LUC7L2: variants seen among roughly 807,000 people sequenced by gnomAD.
LUC7L2 encodes the protein LUC7 like 2, pre-mRNA splicing factor, also known as putative RNA-binding protein Luc7-like 2.
In LUC7L2, 25 loss-of-function variants were observed where a neutral mutation model predicts 52.8. The observed-to-expected ratio is 0.47, with a 90% CI of 0.34 to 0.66. The LOEUF is 0.66. Ranked by LOEUF, LUC7L2 falls within the 30% of genes least tolerant of loss-of-function variation. The pLI, the probability that LUC7L2 is intolerant of heterozygous loss-of-function variation, is 0.01. For missense variants in LUC7L2, 328 were observed against 497.8 expected (o/e 0.66, Z 3.25); for synonymous variants, 144 against 160.9 (o/e 0.89, Z 0.80).
intron 1 of LUC7L2, among the ~76,000 whole-genome samples, chr7:139,352,754 T>G (rs1442987720): frequency 6.6e-6 from 1 of 152,208 alleles, no homozygotes; most frequent in Non-Finnish European, 1.5e-5. Context: ...AAGAACAAGA[T>G]GTTCACATAC....
At chr7:139,378,123 A>G (rs548591564) in intron 2 of LUC7L2, among the ~76,000 whole-genome samples, 3 of 151,898 alleles carry the variant, frequency 2.0e-5, no homozygotes, top group Non-Finnish European at 2.9e-5. Flanking sequence ...TGGCCATAAT[A>G]AACTCCTTTA....
chr7:139,380,241 G>A (rs994352985), intron 2 of LUC7L2, among the ~76,000 whole-genome samples: 1 of 152,002 alleles, frequency 6.6e-6, no homozygotes, highest in Non-Finnish European at 1.5e-5. Context: ...ATAATTATAC[G>A]TTTAATGATT....
At chr7:139,354,603 C>T (rs954161571) in intron 1 of LUC7L2, among the ~76,000 whole-genome samples, 1 of 152,088 alleles carries the variant, frequency 6.6e-6, no homozygotes, top group Non-Finnish European at 1.5e-5. Context: ...CTCAAGTTAT[C>T]CACTGGCCTT....
At chr7:139,345,352 A>C (rs1295103178) in intron 1 of LUC7L2, 1 of 1,257,282 alleles carries the variant, frequency 8.0e-7, no homozygotes, top group South Asian at 1.6e-5. Context: ...GCCTCTATAG[A>C]TGTATTAAGT....
intron 9 of LUC7L2, 110 bp downstream of exon 9, chr7:139,417,839 G>A: frequency 7.1e-7 from 1 of 1,400,090 alleles, no homozygotes; most frequent in Non-Finnish European, 9.5e-7. Flanking sequence ...TGAAACTTTT[G>A]CATCTGGTAA....
At chr7:139,421,425 A>ATTGAT (rs1191722874) in intron 9 of LUC7L2, among the ~76,000 whole-genome samples, 1 of 152,162 alleles carries the variant, frequency 6.6e-6, no homozygotes, top group African/African-American at 2.4e-5. Context: ...TGGTTTTCCG[A>ATTGAT]TTGATTTATT....
upstream of LUC7L2, among the ~76,000 whole-genome samples, chr7:139,358,469 T>C (rs1799689747): frequency 7.6e-6 from 1 of 131,026 alleles, no homozygotes; most frequent in Non-Finnish European, 1.5e-5. Flanking sequence ...TTCTTAAACA[T>C]TTGATTTTAT....
intron 2 of LUC7L2, among the ~76,000 whole-genome samples, chr7:139,382,654 A>C (rs992634719): frequency 6.6e-6 from 1 of 152,170 alleles, no homozygotes; most frequent in African/African-American, 2.4e-5. Flanking sequence ...AGGCCTCTCA[A>C]AGTGCTGGGA....
At chr7:139,374,457 C>T (rs780490989) in intron 1 of LUC7L2, 8 of 1,550,794 alleles carry the variant, frequency 5.2e-6, no homozygotes, top group South Asian at 2.4e-5. Context: ...AGAAAGGCCC[C>T]GCATTCGCCA....
chr7:139,389,262 ATTC>A (rs1794327517), intron 2 of LUC7L2, among the ~76,000 whole-genome samples: 1 of 151,970 alleles, frequency 6.6e-6, no homozygotes, highest in African/African-American at 2.4e-5. Context: ...GTAGTCAAGC[ATTC>A]TTCTTTGCCT....
intron 9 of LUC7L2, among the ~76,000 whole-genome samples, chr7:139,418,090 G>C (rs1446523269): frequency 6.6e-6 from 1 of 152,188 alleles, no homozygotes; most frequent in Admixed American, 6.5e-5. Context: ...TACAAGAGTT[G>C]TTTAGCTTTG....
chr7:139,413,467 G>A (rs779826097), intron 8 of LUC7L2, among the ~76,000 whole-genome samples: 2 of 152,142 alleles, frequency 1.3e-5, no homozygotes, highest in Non-Finnish European at 2.9e-5. Flanking sequence ...AAAAAGTAGA[G>A]AATTTGTTGT....
At chr7:139,386,294 G>A (rs1794188443) in intron 2 of LUC7L2, among the ~76,000 whole-genome samples, 1 of 151,946 alleles carries the variant, frequency 6.6e-6, no homozygotes, top group East Asian at 1.9e-4. Flanking sequence ...GAGCCACTGT[G>A]CCCAGCCTAA....
intron 2 of LUC7L2, among the ~76,000 whole-genome samples, chr7:139,393,569 C>T (rs1353034354): frequency 1.3e-5 from 2 of 152,154 alleles, no homozygotes; most frequent in Non-Finnish European, 2.9e-5. Flanking sequence ...ACCTCATCCT[C>T]CTGAGTAGCT....
chr7:139,365,153 GAA>G (rs755730478), intron 1 of LUC7L2, among the ~76,000 whole-genome samples: 2 of 152,088 alleles, frequency 1.3e-5, no homozygotes, highest in South Asian at 2.1e-4. Flanking sequence ...AATGAAAAAA[GAA>G]AAGTTTTCCT....
upstream of LUC7L2, among the ~76,000 whole-genome samples, chr7:139,358,846 A>G (rs149461309): frequency 9.8e-3 from 1,484 of 151,994 alleles, 30 homozygotes; most frequent in African/African-American, 0.033. Flanking sequence ...ACGCCCGGCT[A>G]ATTTTTATAT....
At chr7:139,366,959 T>C (rs552093728) in intron 1 of LUC7L2, among the ~76,000 whole-genome samples, 4 of 152,292 alleles carry the variant, frequency 2.6e-5, no homozygotes, top group East Asian at 1.9e-4. Context: ...GTCACACTTA[T>C]TGCCTTTATT....
intron 1 of LUC7L2, chr7:139,341,407 C>T: frequency 6.2e-7 from 1 of 1,613,334 alleles, no homozygotes; most frequent in Non-Finnish European, 8.5e-7. Flanking sequence ...GGGTCCCCGT[C>T]GCACACTTTT....
At chr7:139,361,393 A>T (rs1163671380) in intron 1 of LUC7L2, among the ~76,000 whole-genome samples, 2 of 152,226 alleles carry the variant, frequency 1.3e-5, no homozygotes, top group East Asian at 3.8e-4. Context: ...GCACGTCTTA[A>T]ATTTAGTTTT....
Sources: allele counts gnomAD v4.1 joint callset (sites outside exome capture counted in the v4.1 genomes callset), GRCh38; gene constraint gnomAD v4.1.1; transcripts MANE v1.5; gene names NCBI Gene and HGNC (gene_info 2026-07-23, HGNC 2026-07-21).